Variants in AKIRIN2 observed in about 807,000 individuals in gnomAD.
AKIRIN2 encodes the protein akirin-2.
Under a neutral mutation model 29.3 loss-of-function variants are expected in AKIRIN2, and 6 were observed. The ratio of observed to expected loss-of-function variants is 0.20; its 90% CI spans 0.11 to 0.40. The LOEUF is 0.40. Ranked by LOEUF, AKIRIN2 falls within the 10% of genes least tolerant of loss-of-function variation. AKIRIN2 has a pLI of 1.00. For missense variants in AKIRIN2, 210 were observed against 276.1 expected, an observed-to-expected ratio of 0.76 and a Z score of 1.70; for synonymous variants, 128 against 117.5, an observed-to-expected ratio of 1.09 and a Z score of -0.58.
At chr6:87,694,992 T>C (rs1242556426) in intron 1 of AKIRIN2, among the ~76,000 whole-genome samples, 1 of 152,204 alleles carries the variant, frequency 6.6e-6, no homozygotes, top group Non-Finnish European at 1.5e-5. Flanking sequence ...TACAATATCA[T>C]CTCATGTGAG....
intron 2 of AKIRIN2, among the ~76,000 whole-genome samples, chr6:87,679,137 GAAAAAA>G (rs34554650): frequency 8.3e-5 from 7 of 84,164 alleles, no homozygotes; most frequent in South Asian, 7.6e-4. Context: ...CTTCATCTCA[GAAAAAA>G]AAAAAAAAAA....
chr6:87,693,829 A>T (rs1771318042), intron 1 of AKIRIN2, among the ~76,000 whole-genome samples: 1 of 152,000 alleles, frequency 6.6e-6, no homozygotes, highest in Admixed American at 6.6e-5. Context: ...GCACTATTTT[A>T]CCCTGGGCTA....
chr6:87,675,435 T>G lies in AKIRIN2; in HGVS notation c.*162A>C. The G allele has an allele frequency of 1.1e-6, 1 of 952,350 alleles. No homozygotes were observed. The highest frequency in any genetic ancestry group is 1.6e-6 in the Non-Finnish European group (1 of 618,646). 59.0% of individuals were successfully genotyped at this position (952,350 alleles called of 1,614,324 possible). A position where few individuals can be genotyped will look rare whatever the true frequency, so the allele number is the denominator to read the frequency against. ...AGGTGGTACTGACATCAGGGAAATT[T>G]CCAAAACCAGTTGCTGCTGCCTAAG... On this transcript the variant is annotated 3_prime_UTR_variant, in exon 5 of 5. Transcript: ENST00000257787.
chr6:87,676,361 G>A (rs1028459773), intron 3 of AKIRIN2, among the ~76,000 whole-genome samples: 7 of 148,628 alleles, frequency 4.7e-5, no homozygotes, highest in South Asian at 4.3e-4. Flanking sequence ...AACTACTCGG[G>A]AGGCTGAGGC....
intron 1 of AKIRIN2, among the ~76,000 whole-genome samples, chr6:87,682,809 G>A (rs1281044328): frequency 6.6e-6 from 1 of 152,144 alleles, no homozygotes; most frequent in Non-Finnish European, 1.5e-5. Context: ...TTAGATATTG[G>A]TCAAGTGTGG....
chr6:87,681,652 T>G lies in AKIRIN2; in HGVS notation c.347A>C (p.His116Pro), dbSNP rs911061943. Residue 116 changes from histidine (H) to proline (P), a missense_variant, in exon 2 of 5, where the codon CAT becomes CCT. By Grantham distance (77) the His-to-Pro change is moderately conservative. Transcript: ENST00000257787. The stretch of plus-strand genomic sequence containing the variant: ...AGCTGGTCCACTGAGGAGAAATGCA[T>G]GTGGCTGTGCATCAGAAGTACAACA... Reference protein sequence around the residue: ...DPCCTSDAQPHAFLLSGPASP... With the variant: ...DPCCTSDAQPPAFLLSGPASP... 7 of 1,612,328 alleles carry G rather than the reference T, an allele frequency of 4.3e-6. No homozygotes were observed. The East Asian group carries it at 1.6e-4, about 36-fold the overall frequency.
chr6:87,701,490 C>A lies in AKIRIN2; in HGVS notation c.195G>T (p.Glu65Asp). 6.7e-7 allele frequency: 1 copy of A among 1,498,860 alleles called. No homozygotes were observed. The highest frequency in any genetic ancestry group is 1.3e-5 in the South Asian group (1 of 79,616). The allele number at this position is 1,498,860 out of a possible 1,614,324, so 92.8% of individuals were successfully genotyped here. ...AGGAGACGTCGCCGAAGGGGGATGG[C>A]TCCATTCGGAGATACTTCTGCGGCG... ...AASPQKYLRMEPSPFGDVSSR... is the reference protein window; with the variant it reads ...AASPQKYLRMDPSPFGDVSSR... Residue 65 changes from glutamate to aspartate, a missense_variant, in exon 1 of 5, where the codon GAG becomes GAT. Transcript: ENST00000257787.
Position 87,701,501 on chromosome 6 carries a change from G to A in AKIRIN2, c.184C>T (p.Leu62Phe), listed in dbSNP as rs1582128570. Reference protein sequence around the residue: ...SAAAASPQKYLRMEPSPFGDV... With the variant: ...SAAAASPQKYFRMEPSPFGDV... The stretch of plus-strand genomic sequence containing the variant: ...CCGAAGGGGGATGGCTCCATTCGGA[G>A]ATACTTCTGCGGCGAGGCGGCCGCA... The change falls in exon 1 of 5, where the codon CTC (leucine) becomes TTC (phenylalanine). Residue 62 changes from leucine (L) to phenylalanine (F), a missense_variant. Coordinates refer to ENST00000257787, the MANE Select transcript of AKIRIN2 (RefSeq NM_018064.4). 6.1e-6 allele frequency: 9 copies of A among 1,485,108 alleles called. No individual in the cohort carries two copies. Among genetic ancestry groups the A allele is most frequent in the South Asian group, 1.3e-5 (1 of 77,796 alleles). The allele number at this position is 1,485,108 out of a possible 1,614,324, so 92.0% of individuals were successfully genotyped here. A position where few individuals can be genotyped will look rare whatever the true frequency, so the allele number is the denominator to read the frequency against.
At chr6:87,690,700 C>T (rs145080661) in intron 1 of AKIRIN2, among the ~76,000 whole-genome samples, 79 of 152,198 alleles carry the variant, frequency 5.2e-4, no homozygotes, top group African/African-American at 1.8e-3. Flanking sequence ...AGGCCAGGCA[C>T]GGTCACTCAT....
rs992473086 is a variant in AKIRIN2, at chr6:87,701,865, G to T, written c.-181C>A. 1 of 455,500 alleles carries T rather than the reference G, an allele frequency of 2.2e-6. No homozygotes were observed. The highest frequency in any genetic ancestry group is 5.0e-5 in the South Asian group (1 of 20,164). The allele number at this position is 455,500 out of a possible 1,614,324, so 28.2% of individuals were successfully genotyped here. ...GAGCCGCTGCCGCCGCTGCCTCCGC[G>T]GCAGGGGCAGTGGCCAGGGACGGCC... On this transcript the variant is annotated 5_prime_UTR_variant, in exon 1 of 5. Coordinates refer to ENST00000257787, the MANE Select transcript of AKIRIN2 (RefSeq NM_018064.4).
At chr6:87,676,371 C>A (rs1432077818) in intron 3 of AKIRIN2, among the ~76,000 whole-genome samples, 1 of 135,924 alleles carries the variant, frequency 7.4e-6, no homozygotes, top group Admixed American at 8.4e-5. Flanking sequence ...GAGGCTGAGG[C>A]AGGAGAATGG....
At chr6:87,700,764 G>T (rs1261807236) in intron 1 of AKIRIN2, 1 of 154,576 alleles carries the variant, frequency 6.5e-6, no homozygotes, top group African/African-American at 2.4e-5. Flanking sequence ...CTTATTAAAA[G>T]TTCAACATTT....
At chr6:87,692,111 T>C (rs997818288) in intron 1 of AKIRIN2, among the ~76,000 whole-genome samples, 4 of 152,170 alleles carry the variant, frequency 2.6e-5, no homozygotes, top group Non-Finnish European at 5.9e-5. Flanking sequence ...TCGATGATAC[T>C]AGAACAGGAC....
chr6:87,687,555 T>A (rs2787919), intron 1 of AKIRIN2, among the ~76,000 whole-genome samples: 4 of 151,864 alleles, frequency 2.6e-5, no homozygotes, highest in Non-Finnish European at 4.4e-5. Context: ...TCTCCTTGAT[T>A]GAATCTTAAG....
chr6:87,681,094 G>A (rs529119225), intron 2 of AKIRIN2, among the ~76,000 whole-genome samples: 4 of 152,096 alleles, frequency 2.6e-5, no homozygotes, highest in East Asian at 1.9e-4. Flanking sequence ...CTGGAGTGCA[G>A]TGGCATGATC....
intron 1 of AKIRIN2, among the ~76,000 whole-genome samples, chr6:87,692,238 AG>A (rs1771287519): frequency 6.6e-6 from 1 of 152,216 alleles, no homozygotes; most frequent in African/African-American, 2.4e-5. Context: ...GGTGAGTAAA[AG>A]TCCCATTTGA....
At chr6:87,681,875 AAT>A (rs1771127347) in intron 1 of AKIRIN2, 112 bp from the exon 2 acceptor site, 12 of 905,358 alleles carry the variant, frequency 1.3e-5, no homozygotes, top group Non-Finnish European at 1.7e-5. Context: ...CCTTTCAAAT[AAT>A]ATCCAGAAAA....
chr6:87,687,617 T>C (rs1323916230), intron 1 of AKIRIN2, among the ~76,000 whole-genome samples: 1 of 152,140 alleles, frequency 6.6e-6, no homozygotes, highest in Non-Finnish European at 1.5e-5. Flanking sequence ...AATGAGCTGA[T>C]ACCATTTTAA....
chr6:87,686,803 T>C (rs1024109599), intron 1 of AKIRIN2, among the ~76,000 whole-genome samples: 3 of 152,048 alleles, frequency 2.0e-5, no homozygotes, highest in African/African-American at 7.2e-5. Flanking sequence ...CCCAGCACTT[T>C]GGAAGGCCAA....
Sources: allele counts gnomAD v4.1 joint callset (sites outside exome capture counted in the v4.1 genomes callset), GRCh38; gene constraint gnomAD v4.1.1; transcripts MANE v1.5; gene names NCBI Gene and HGNC (gene_info 2026-07-23, HGNC 2026-07-21).